Variants in STARD9 observed in about 807,000 individuals in gnomAD.
STARD9 encodes the protein StAR related lipid transfer domain containing 9.
A neutral mutation model predicts 399.8 loss-of-function variants in STARD9; 346 were observed. The observed-to-expected ratio is 0.87, with a 90% confidence interval of 0.79 to 0.95. The LOEUF is 0.95. Ranked by LOEUF, STARD9 falls within the 40% of genes least tolerant of loss-of-function variation. STARD9 has a pLI of 0.00. For missense variants in STARD9, 5,832 were observed against 5,667.5 expected (o/e 1.03, Z -0.93); for synonymous variants, 2,203 against 2,143.5 (o/e 1.03, Z -0.77).
rs1406814027 is a variant in STARD9, at chr15:42,693,012, C to T, written c.11434C>T (p.Pro3812Ser). The change falls in exon 23 of 33, where the codon CCT (proline) becomes TCT (serine). Residue 3812 changes from proline to serine, a missense_variant. Physicochemically the swap from Pro to Ser is moderately conservative, Grantham distance 74. This residue lies in a region of STARD9 where 5,828 missense variants were observed against 5,651.1 expected (regional missense o/e 1.03). Coordinates refer to ENST00000290607, the MANE Select transcript of STARD9 (RefSeq NM_020759.3). ...AAGCACTCCCTACAAGCCCCAGAGCCCTTCAATACCCTCATCCCACTTGAG... is the reference window on the plus strand; with the variant it reads ...AAGCACTCCCTACAAGCCCCAGAGCTCTTCAATACCCTCATCCCACTTGAG... ...EESTPYKPQS[P>S]SIPSSHLRFQ... 2.0e-6 allele frequency: 3 copies of T among 1,537,218 alleles called. No homozygotes were observed. Among genetic ancestry groups the T allele is most frequent in the Non-Finnish European group, 2.6e-6 (3 of 1,146,908 alleles).
At position 42,684,641 on chromosome 15, in the gene STARD9, C is replaced by A; in HGVS notation, c.3063C>A (p.His1021Gln). ...YPHGPRQTAG[H>Q]GKAVKTFWTE... ...ATGGACCCAGGCAGACTGCTGGGCA[C>A]GGAAAGGCAGTCAAGACTTTTTGGA... The change falls in exon 23 of 33, where the codon CAC becomes CAA. Residue 1021 changes from histidine (H) to glutamine (Q), a missense_variant. Transcript: ENST00000290607. The A allele has an allele frequency of 6.5e-7, 1 of 1,537,106 alleles. No homozygotes were observed. Among genetic ancestry groups the A allele is most frequent in the Non-Finnish European group, 8.7e-7 (1 of 1,146,886 alleles).
At chr15:42,582,494 C>A (rs2058194824) in intron 1 of STARD9, among the ~76,000 whole-genome samples, 1 of 152,150 alleles carries the variant, frequency 6.6e-6, no homozygotes, top group Admixed American at 6.5e-5. Flanking sequence ...TACCACATAA[C>A]TGCAACATAG....
At chr15:42,636,009 C>T (rs902276027) in intron 4 of STARD9, among the ~76,000 whole-genome samples, 5 of 152,182 alleles carry the variant, frequency 3.3e-5, no homozygotes, top group African/African-American at 1.2e-4. Flanking sequence ...ATATCCTGGT[C>T]AGGGTGCCAG....
chr15:42,688,805 G>T lies in STARD9; in HGVS notation c.7227G>T (p.Gly2409=). ...RSSEAHTAWC[G]SVRSMAMGSH... ...CTGAGGCACACACTGCCTGGTGTGG[G>T]TCTGTGCGATCCATGGCCATGGGAT... The change falls in exon 23 of 33, where the codon GGG becomes GGT. Residue 2409 remains glycine (G), a synonymous_variant. Coordinates refer to ENST00000290607, the MANE Select transcript of STARD9 (RefSeq NM_020759.3). The T allele has an allele frequency of 2.0e-6, 3 of 1,537,442 alleles. No individual in the cohort carries two copies. Among genetic ancestry groups the T allele is most frequent in the South Asian group, 1.2e-5 (1 of 84,064 alleles).
At chr15:42,589,404 C>T (rs151310546) in intron 3 of STARD9, among the ~76,000 whole-genome samples, 427 of 152,210 alleles carry the variant, frequency 2.8e-3, no homozygotes, top group African/African-American at 9.7e-3. Flanking sequence ...ACTGACACTA[C>T]AATCAATATA....
Position 42,665,341 on chromosome 15 carries a change from A to G in STARD9, c.1254+11A>G, listed in dbSNP as rs553536668. 33 of 1,533,848 alleles carry G rather than the reference A, an allele frequency of 2.2e-5. No individual in the cohort carries two copies. Among genetic ancestry groups the G allele is most frequent in the Non-Finnish European group, 2.9e-5 (33 of 1,144,070 alleles). ...CTGAGCTTTGAACTGGTATGCAGAC[A>G]GTCAGAACCTTTCCGTACTTAAGTG... On this transcript the variant is annotated intron_variant, in intron 14 of 32. Coordinates refer to ENST00000290607, the MANE Select transcript of STARD9 (RefSeq NM_020759.3).
chr15:42,664,521 G>C (rs924084191), intron 13 of STARD9, among the ~76,000 whole-genome samples: 6 of 152,002 alleles, frequency 3.9e-5, no homozygotes, highest in African/African-American at 1.2e-4. Flanking sequence ...CTGCCACCAT[G>C]TTAGGCTGGT....
intron 26 of STARD9, among the ~76,000 whole-genome samples, chr15:42,706,306 G>C (rs756536991): frequency 6.6e-6 from 1 of 151,898 alleles, no homozygotes; most frequent in Non-Finnish European, 1.5e-5. Flanking sequence ...CTTGTAAATA[G>C]GTTTTTTCGT....
Position 42,690,168 on chromosome 15 carries a change from G to A in STARD9, c.8590G>A (p.Val2864Ile). Residue 2864 changes from valine to isoleucine, a missense_variant, in exon 23 of 33, where the codon GTT becomes ATT. Transcript: ENST00000290607. ...DTILPGALTR[V>I]ALEAPTQQCV... Reference sequence around the variant, plus strand: ...CATTCTGCCTGGAGCTCTGACAAGGGTTGCACTGGAAGCTCCCACACAGCA... The same window carrying A: ...CATTCTGCCTGGAGCTCTGACAAGGATTGCACTGGAAGCTCCCACACAGCA... 1.3e-6 allele frequency: 2 copies of A among 1,537,824 alleles called. No individual in the cohort carries two copies. Among genetic ancestry groups the A allele is most frequent in the South Asian group, 2.4e-5 (2 of 84,058 alleles).
intron 3 of STARD9, among the ~76,000 whole-genome samples, chr15:42,597,812 C>G (rs1219434771): frequency 6.6e-6 from 1 of 152,046 alleles, no homozygotes; most frequent in African/African-American, 2.4e-5. Context: ...GCTGGGATTT[C>G]AGGCGTGAGC....
At chr15:42,717,147 G>C in intron 28 of STARD9, 99 bp downstream of exon 28, 1 of 1,361,584 alleles carries the variant, frequency 7.3e-7, no homozygotes, top group Non-Finnish European at 1.0e-6. Context: ...CAGATGAGGA[G>C]CCCAAGGCTT....
Position 42,686,340 on chromosome 15 carries a change from G to A in STARD9, c.4762G>A (p.Glu1588Lys), listed in dbSNP as rs1362751100. 7 of 1,537,454 alleles carry A rather than the reference G, an allele frequency of 4.6e-6. No homozygotes were observed. The highest frequency in any genetic ancestry group is 1.4e-5 in the African/African-American group (1 of 73,158). The change falls in exon 23 of 33, where the codon GAA becomes AAA. Residue 1588 changes from glutamate to lysine, a missense_variant. Glu to Lys is a moderately conservative substitution (Grantham distance 56). Around this residue, in one of 2 missense-constraint regions of STARD9, gnomAD observed 5,828 missense variants for 5,651.1 expected, o/e 1.03. Coordinates refer to ENST00000290607, the MANE Select transcript of STARD9 (RefSeq NM_020759.3). ...STSEKEASYD[E>K]TYSADLESLS... Reference sequence around the variant, plus strand: ...TAGTGAGAAAGAGGCGAGTTATGACGAAACTTATTCGGCAGACTTAGAATC... The same window carrying A: ...TAGTGAGAAAGAGGCGAGTTATGACAAAACTTATTCGGCAGACTTAGAATC...
intron 3 of STARD9, among the ~76,000 whole-genome samples, chr15:42,623,284 A>C (rs2059128779): frequency 6.6e-6 from 1 of 151,992 alleles, no homozygotes; most frequent in African/African-American, 2.4e-5. Flanking sequence ...AAATGCCAAC[A>C]CTGCTATGAA....
Position 42,685,385 on chromosome 15 carries a change from G to T in STARD9, c.3807G>T (p.Leu1269=). The part of the protein sequence containing the change: ...YRTAARLDAV[L]PMSSSFYLDP... ...CAGCAGCTAGGCTGGATGCCGTCCT[G>T]CCAATGAGCAGTTCGTTTTACCTTG... The change falls in exon 23 of 33, where the codon CTG becomes CTT. Residue 1269 remains leucine, a synonymous_variant. Coordinates refer to ENST00000290607, the MANE Select transcript of STARD9 (RefSeq NM_020759.3). The T allele has an allele frequency of 6.5e-7, 1 of 1,536,952 alleles. No homozygotes were observed. The highest frequency in any genetic ancestry group is 8.7e-7 in the Non-Finnish European group (1 of 1,146,922).
rs972789577 is a variant in STARD9, at chr15:42,692,254, G to A, written c.10676G>A (p.Arg3559Gln). ...TCAAATGAGGCCTGGGAAGTATTCC[G>A]AGGGAGTTCTTCAATTGCCTTAGGA... Reference protein sequence around the residue: ...QGSNEAWEVFRGSSSIALGDP... With the variant: ...QGSNEAWEVFQGSSSIALGDP... The change falls in exon 23 of 33, where the codon CGA becomes CAA. Residue 3559 changes from arginine to glutamine, a missense_variant. This residue lies in a region of STARD9 where 5,828 missense variants were observed against 5,651.1 expected (regional missense o/e 1.03). Transcript: ENST00000290607. 3.3e-6 allele frequency: 5 copies of A among 1,536,906 alleles called. No individual in the cohort carries two copies. The highest frequency in any genetic ancestry group is 4.4e-6 in the Non-Finnish European group (5 of 1,146,894).
At chr15:42,627,556 CT>C (rs927436366) in intron 3 of STARD9, among the ~76,000 whole-genome samples, 18 of 152,112 alleles carry the variant, frequency 1.2e-4, no homozygotes, top group African/African-American at 4.3e-4. Flanking sequence ...TTTTGTCTAA[CT>C]TTTTTTGTAC....
At chr15:42,579,137 G>A (rs1479003697) in intron 1 of STARD9, among the ~76,000 whole-genome samples, 1 of 152,182 alleles carries the variant, frequency 6.6e-6, no homozygotes, top group East Asian at 1.9e-4. Context: ...AGTAGTCCCA[G>A]GAGAGGTAGG....
chr15:42,600,372 G>A (rs1566863769), intron 3 of STARD9, among the ~76,000 whole-genome samples: 1 of 152,124 alleles, frequency 6.6e-6, no homozygotes, highest in African/African-American at 2.4e-5. Flanking sequence ...GTGTATACTG[G>A]ATACAAGGTT....
At position 42,692,387 on chromosome 15, in the gene STARD9, G is replaced by GC; in HGVS notation, c.10815dup (p.Ala3607GlyfsTer11). 1 of 1,536,996 alleles carries GC rather than the reference G, an allele frequency of 6.5e-7. No homozygotes were observed. The highest frequency in any genetic ancestry group is 8.7e-7 in the Non-Finnish European group (1 of 1,146,912). On this transcript the variant is annotated frameshift_variant, in exon 23 of 33. Coordinates refer to ENST00000290607, the MANE Select transcript of STARD9 (RefSeq NM_020759.3). LOFTEE classifies it high-confidence loss of function. ...GTGAAGCAGACTGTCTGAGGAGTAAGCCCCCCTTGGCCAAAGGAAGTGCTG... is the reference window on the plus strand; with the variant it reads ...GTGAAGCAGACTGTCTGAGGAGTAAGCCCCCCCTTGGCCAAAGGAAGTGCTG...
Sources: gnomAD v4.1 joint callset for allele counts (sites outside exome capture counted in the v4.1 genomes callset) on GRCh38, gnomAD v4.1.1 for gene constraint, gnomAD v4.1.1 regional missense constraint, MANE v1.5 for transcripts, NCBI Gene and HGNC (gene_info 2026-07-23, HGNC 2026-07-21) for gene names.